The following CBFA2T2 variants were observed in gnomAD, a reference collection of about 807,000 sequenced individuals.
CBFA2T2 encodes the protein protein CBFA2T2.
CBFA2T2 carries 11 observed loss-of-function variants against 62.2 expected under a neutral mutation model. The ratio of observed to expected loss-of-function variants is 0.18; its 90% CI spans 0.11 to 0.29. The LOEUF (loss-of-function observed/expected upper bound fraction) is 0.29. CBFA2T2 is among the 10% of genes least tolerant of loss of function. The pLI is 1.00. For missense variants in CBFA2T2, 592 were observed against 774.1 expected, an observed-to-expected ratio of 0.76 and a Z score of 2.79; for synonymous variants, 295 against 287.5, an observed-to-expected ratio of 1.03 and a Z score of -0.27.
intron 4 of CBFA2T2, among the ~76,000 whole-genome samples, chr20:33,619,923 G>A (rs2015874686): frequency 6.6e-6 from 1 of 152,104 alleles, no homozygotes; most frequent in South Asian, 2.1e-4. Context: ...AGAAATAACT[G>A]GTCACTAATC....
chr20:33,620,235 C>T (rs991991369), intron 4 of CBFA2T2, among the ~76,000 whole-genome samples: 7 of 152,008 alleles, frequency 4.6e-5, no homozygotes, highest in African/African-American at 1.7e-4. Flanking sequence ...TGGCCAGTCA[C>T]GGTGGTTCAC....
intron 1 of CBFA2T2, among the ~76,000 whole-genome samples, chr20:33,542,770 C>CAAGTGGTA (rs1415237083): frequency 1.3e-5 from 2 of 151,950 alleles, no homozygotes; most frequent in Non-Finnish European, 2.9e-5. Context: ...CTCCCAGGCT[C>CAAGTGGTA]AAGTGGTCCT....
chr20:33,501,656 T>TTTTTC, intron 1 of CBFA2T2, among the ~76,000 whole-genome samples: 1 of 140,898 alleles, frequency 7.1e-6, no homozygotes, highest in African/African-American at 2.7e-5. Flanking sequence ...TTTTTTTTTT[T>TTTTTC]TTGAGAGGGA....
intron 1 of CBFA2T2, among the ~76,000 whole-genome samples, chr20:33,539,169 G>A (rs149763436): frequency 1.8e-4 from 28 of 152,294 alleles, no homozygotes; most frequent in African/African-American, 6.7e-4. Flanking sequence ...ATAATCTTGG[G>A]CAAGTTTTTT....
At chr20:33,557,419 A>C (rs904833438) in intron 1 of CBFA2T2, among the ~76,000 whole-genome samples, 1 of 152,166 alleles carries the variant, frequency 6.6e-6, no homozygotes, top group African/African-American at 2.4e-5. Flanking sequence ...CTGGGTGTTC[A>C]TTTATAGAAG....
chr20:33,573,483 CT>C (rs58987513), intron 1 of CBFA2T2, among the ~76,000 whole-genome samples: 218 of 145,730 alleles, frequency 1.5e-3, no homozygotes, highest in African/African-American at 4.4e-3. Flanking sequence ...TCTTCTTCTT[CT>C]TTTTTTTTTT....
chr20:33,541,547 C>A (rs2012409600), intron 1 of CBFA2T2, among the ~76,000 whole-genome samples: 1 of 152,224 alleles, frequency 6.6e-6, no homozygotes, highest in South Asian at 2.1e-4. Context: ...CTCTGTTACT[C>A]AGGCAGTGGC....
At chr20:33,642,110 TTTTTTTTG>T (rs1301671489) in intron 10 of CBFA2T2, among the ~76,000 whole-genome samples, 954 of 77,052 alleles carry the variant, frequency 0.012, 11 homozygotes, top group African/African-American at 0.052. Context: ...TTTGTCTTTT[TTTTTTTTG>T]TGTGTGTGTG....
chr20:33,612,912 G>C (rs2015580072), intron 3 of CBFA2T2, among the ~76,000 whole-genome samples: 1 of 152,120 alleles, frequency 6.6e-6, no homozygotes, highest in African/African-American at 2.4e-5. Context: ...TAGTGAGACT[G>C]CCTCTACAAA....
intron 1 of CBFA2T2, among the ~76,000 whole-genome samples, chr20:33,523,822 T>C (rs538842174): frequency 2.8e-3 from 430 of 152,240 alleles, no homozygotes; most frequent in African/African-American, 0.01. Context: ...GTAGCTGGGA[T>C]TACAGGCATG....
chr20:33,492,243 C>T lies in CBFA2T2; in HGVS notation c.34+1942C>T, dbSNP rs538978813. Among the ~76,000 whole-genome samples, 48 of 151,710 alleles carry T rather than the reference C, an allele frequency of 3.2e-4. No individual in the cohort carries two copies. The South Asian group carries it at 9.2e-3, about 29-fold the overall frequency. On this transcript the variant is annotated intron_variant, in intron 1 of 10. Coordinates refer to ENST00000342704, the MANE Select transcript of CBFA2T2 (RefSeq NM_001032999.3). Reference sequence around the variant, plus strand: ...CATATTGGTCAGGCTGGTCTCGAACCCCTGACCTCAGGTAATTCACCCACC... The same window carrying T: ...CATATTGGTCAGGCTGGTCTCGAACTCCTGACCTCAGGTAATTCACCCACC...
At chr20:33,494,951 A>C (rs1386734885) in intron 1 of CBFA2T2, among the ~76,000 whole-genome samples, 1 of 152,224 alleles carries the variant, frequency 6.6e-6, no homozygotes, top group African/African-American at 2.4e-5. Context: ...GATAAGGTAA[A>C]ATAAATGGAA....
chr20:33,511,580 G>A (rs921547521), intron 1 of CBFA2T2, among the ~76,000 whole-genome samples: 1 of 152,130 alleles, frequency 6.6e-6, no homozygotes, highest in Admixed American at 6.5e-5. Flanking sequence ...ACAGAAAAAA[G>A]GCTGTCTTCC....
intron 2 of CBFA2T2, among the ~76,000 whole-genome samples, chr20:33,610,305 C>T (rs1187661719): frequency 6.6e-6 from 1 of 151,882 alleles, no homozygotes; most frequent in Non-Finnish European, 1.5e-5. Flanking sequence ...GAGACCCTGC[C>T]TCAAAAAAAC....
rs570963328 is a variant in CBFA2T2, at chr20:33,643,587, G to A, written c.1489-760G>A. 7.9e-5 allele frequency among the ~76,000 whole-genome samples: 12 copies of A among 151,296 alleles called. No homozygotes were observed. The South Asian group carries it at 2.3e-3, about 29-fold the overall frequency. On this transcript the variant is annotated intron_variant, in intron 10 of 10. Transcript: ENST00000342704. ...AAACAAAACAGCAGCAGCAGCCTTCGTTGAGTCAGATTATCAGTAAAAACA... is the reference window on the plus strand; with the variant it reads ...AAACAAAACAGCAGCAGCAGCCTTCATTGAGTCAGATTATCAGTAAAAACA...
chr20:33,523,995 C>G (rs543486219), intron 1 of CBFA2T2, among the ~76,000 whole-genome samples: 1 of 150,866 alleles, frequency 6.6e-6, no homozygotes, highest in African/African-American at 2.4e-5. Flanking sequence ...GTGTGTTGTG[C>G]TTTTTTTTTA....
At chr20:33,562,140 GTC>G (rs1194220378) in intron 1 of CBFA2T2, among the ~76,000 whole-genome samples, 1 of 152,138 alleles carries the variant, frequency 6.6e-6, no homozygotes, top group East Asian at 1.9e-4. Context: ...GAGTCTGTGT[GTC>G]TCTGTGTGTC....
At chr20:33,555,537 G>T (rs1357968999) in intron 1 of CBFA2T2, among the ~76,000 whole-genome samples, 3 of 152,144 alleles carry the variant, frequency 2.0e-5, no homozygotes, top group Non-Finnish European at 4.4e-5. Context: ...CTTTATCATT[G>T]TGTGTATTTT....
At position 33,606,971 on chromosome 20, in the gene CBFA2T2, G is replaced by A; in HGVS notation, c.50G>A (p.Arg17Lys). The A allele has an allele frequency of 6.2e-7, 1 of 1,613,690 alleles. No homozygotes were observed. Among genetic ancestry groups the A allele is most frequent in the Non-Finnish European group, 8.5e-7 (1 of 1,179,698 alleles). Residue 17 changes from arginine (R) to lysine (K), a missense_variant, in exon 2 of 11, where the codon AGG (arginine) becomes AAG (lysine). By Grantham distance (26) the Arg-to-Lys change is conservative. Around this residue, in one of 3 missense-constraint regions of CBFA2T2, gnomAD observed 449 missense variants for 551.2 expected, o/e 0.81. Coordinates refer to ENST00000342704, the MANE Select transcript of CBFA2T2 (RefSeq NM_001032999.3). ...AAAFQLGPEKRVPAMPGSPVE... is the reference protein window; with the variant it reads ...AAAFQLGPEKKVPAMPGSPVE... ...TTCTCTGCAGTTGGTCCTGAGAAAA[G>A]GGTGCCAGCGATGCCTGGATCGCCT...
Sources: gnomAD v4.1 joint callset for allele counts (sites outside exome capture counted in the v4.1 genomes callset) on GRCh38, gnomAD v4.1.1 for gene constraint, gnomAD v4.1.1 regional missense constraint, MANE v1.5 for transcripts, NCBI Gene and HGNC (gene_info 2026-07-23, HGNC 2026-07-21) for gene names.